TRAF3IP1: variants seen among roughly 807,000 people sequenced by gnomAD.
The protein encoded by TRAF3IP1 is intraflagellar transport 54.
A neutral mutation model predicts 89.9 loss-of-function variants in TRAF3IP1; 53 were observed. That is an observed-to-expected ratio of 0.59 (90% CI 0.47 to 0.74). The LOEUF is 0.74. Ranked by LOEUF, TRAF3IP1 falls within the 30% of genes least tolerant of loss-of-function variation. The pLI, the probability that TRAF3IP1 is intolerant of heterozygous loss-of-function variation, is 0.00. For synonymous variants in TRAF3IP1, 311 were observed against 322.1 expected (o/e 0.97, Z 0.37); for missense variants, 806 against 866.1 (o/e 0.93, Z 0.87).
At position 238,379,053 on chromosome 2, in the gene TRAF3IP1, G is replaced by A. The variant is rs142335427; in HGVS notation, c.1690-18406G>A. The stretch of plus-strand genomic sequence containing the variant: ...GCCTGGCGCTGATGCTGATGCAGCC[G>A]CCCTGTGTCAGGTGCTCAGCGGAAC... On this transcript the variant is annotated intron_variant, in intron 15 of 16. Transcript: ENST00000373327. The surrounding 1 kb of genome is among the most constrained non-coding windows in gnomAD (Gnocchi z 4.0). Among the ~76,000 whole-genome samples, 20 of 152,268 alleles carry A rather than the reference G, an allele frequency of 1.3e-4. 1 individual carries two copies. In the East Asian group the frequency reaches 3.1e-3, roughly 24 times the overall value.
chr2:238,397,684 G>C lies in TRAF3IP1; in HGVS notation c.1910+5G>C, dbSNP rs558661638. On this transcript the variant is annotated splice_donor_5th_base_variant and intron_variant, in intron 16 of 16. Transcript: ENST00000373327. The stretch of plus-strand genomic sequence containing the variant: ...GGCCCTGCAGCAGGAGCAGAGGTGG[G>C]GGGTAGTAATGGGGAGGGGGCCCTG... 4 of 1,598,690 alleles carry C rather than the reference G, an allele frequency of 2.5e-6. No individual in the cohort carries two copies. In the South Asian group the frequency reaches 4.4e-5, roughly 18 times the overall value.
chr2:238,333,369 CACTCAT>C (rs1698222108), intron 6 of TRAF3IP1, among the ~76,000 whole-genome samples: 1 of 152,100 alleles, frequency 6.6e-6, no homozygotes, highest in Non-Finnish European at 1.5e-5. Flanking sequence ...GTGGAGGTTA[CACTCAT>C]CCCAAGCAGT....
At chr2:238,361,047 A>C (rs1380439841) in intron 15 of TRAF3IP1, among the ~76,000 whole-genome samples, 1 of 151,720 alleles carries the variant, frequency 6.6e-6, no homozygotes, top group Non-Finnish European at 1.5e-5. Context: ...TTATTTAAAA[A>C]ACTTTTTTTT....
At chr2:238,353,752 G>T (rs1455957488) in intron 14 of TRAF3IP1, among the ~76,000 whole-genome samples, 3 of 151,758 alleles carry the variant, frequency 2.0e-5, no homozygotes, top group East Asian at 1.9e-4. Context: ...GGGGTTTGGG[G>T]TTTTTTTTGG....
intron 15 of TRAF3IP1, among the ~76,000 whole-genome samples, chr2:238,376,303 A>G (rs1368250184): frequency 1.3e-5 from 2 of 152,174 alleles, no homozygotes; most frequent in Non-Finnish European, 2.9e-5. Context: ...TTCTTAGCTC[A>G]TGGGCTATAG....
At chr2:238,396,556 GGAAA>G (rs1353681765) in intron 15 of TRAF3IP1, among the ~76,000 whole-genome samples, 1 of 150,028 alleles carries the variant, frequency 6.7e-6, no homozygotes, top group Non-Finnish European at 1.5e-5. Context: ...AAAAAAAAAA[GGAAA>G]GAAGGAGAAA....
At chr2:238,340,831 G>GTA (rs1326850737) in intron 8 of TRAF3IP1, among the ~76,000 whole-genome samples, 22 of 81,870 alleles carry the variant, frequency 2.7e-4, no homozygotes, top group Non-Finnish European at 3.8e-4. Context: ...GTGTGTGTGT[G>GTA]TGTATATATA....
chr2:238,327,139 G>A (rs538586342), intron 3 of TRAF3IP1, among the ~76,000 whole-genome samples: 256 of 152,150 alleles, frequency 1.7e-3, no homozygotes, highest in African/African-American at 6.0e-3. Flanking sequence ...CATTCCAGTC[G>A]CCACGCACCC....
intron 12 of TRAF3IP1, among the ~76,000 whole-genome samples, chr2:238,350,226 A>G (rs1041094591): frequency 6.6e-6 from 1 of 152,072 alleles, no homozygotes; most frequent in Non-Finnish European, 1.5e-5. Context: ...ATAAGACTAG[A>G]AAGTGGGAAA....
Position 238,332,860 on chromosome 2 carries a change from G to C in TRAF3IP1, c.952G>C (p.Asp318His), listed in dbSNP as rs201289716. 1.1e-5 allele frequency: 17 copies of C among 1,612,852 alleles called. No homozygotes were observed. In the East Asian group the frequency reaches 3.6e-4, roughly 34 times the overall value. The change falls in exon 6 of 17, where the codon GAT becomes CAT. Residue 318 changes from aspartate to histidine, a missense_variant. Physicochemically the swap from Asp to His is moderately conservative, Grantham distance 81 (BLOSUM62 -1). Transcript: ENST00000373327. ...SSGEMSKKLSDGTFKDSKAET... is the reference protein window; with the variant it reads ...SSGEMSKKLSHGTFKDSKAET... ...AGGGGAGATGTCTAAAAAGTTATCA[G>C]ATGGAACTTTTAAAGACTCCAAGGC...
At position 238,356,075 on chromosome 2, in the gene TRAF3IP1, G is replaced by A. The variant is rs750512823; in HGVS notation, c.1684G>A (p.Glu562Lys). 6.2e-7 allele frequency: 1 copy of A among 1,612,990 alleles called. No individual in the cohort carries two copies. The highest frequency in any genetic ancestry group is 8.5e-7 in the Non-Finnish European group (1 of 1,179,076). The change falls in exon 15 of 17, where the codon GAG becomes AAG. Residue 562 changes from glutamate (E) to lysine (K), a missense_variant. Physicochemically the swap from Glu to Lys is moderately conservative, Grantham distance 56. This residue lies in a region of TRAF3IP1 where 732 missense variants were observed against 780.5 expected (regional missense o/e 0.94). Coordinates refer to ENST00000373327, the MANE Select transcript of TRAF3IP1 (RefSeq NM_015650.4). ...EKLQQSPKPG[E>K]KERSLFESAW... ...ATTGCAGCAGTCACCCAAACCTGGG[G>A]AGAAGGTAATGGAATGATTTCCATA...
chr2:238,326,341 C>T (rs2106360097), intron 3 of TRAF3IP1, among the ~76,000 whole-genome samples: 1 of 152,254 alleles, frequency 6.6e-6, no homozygotes, highest in South Asian at 2.1e-4. Flanking sequence ...CCAGCCAGGG[C>T]TGCAGTGGCT....
rs544722865 is a variant in TRAF3IP1 at position 238,369,183 on chromosome 2, A to G, written c.1689+13103A>G. On this transcript the variant is annotated intron_variant, in intron 15 of 16. Transcript: ENST00000373327. ...TTACAGTAAAAAATGATAGAAAATA[A>G]TGCTGTTATTTTAATAGTAATAACC... is the stretch of plus-strand genomic sequence containing the variant. 2.0e-5 allele frequency among the ~76,000 whole-genome samples: 3 copies of G among 152,340 alleles called. No homozygotes were observed. The East Asian group carries it at 5.8e-4, about 29-fold the overall frequency.
chr2:238,379,482 G>A lies in TRAF3IP1; in HGVS notation c.1690-17977G>A, dbSNP rs1159928429. Among the ~76,000 whole-genome samples, 6 of 152,226 alleles carry A rather than the reference G, an allele frequency of 3.9e-5. No homozygotes were observed. The highest frequency in any genetic ancestry group is 1.2e-4 in the African/African-American group (5 of 41,466). On this transcript the variant is annotated intron_variant, in intron 15 of 16. Coordinates refer to ENST00000373327, the MANE Select transcript of TRAF3IP1 (RefSeq NM_015650.4). This position sits in a 1 kb window ranked among gnomAD's most constrained non-coding sequence, Gnocchi z 4.0. ...CACCTGCTCGTGTGAAGGCGGCAGC[G>A]TGGTGCCATCACTTGGGTATTTGGA...
chr2:238,367,307 A>G (rs781712553), intron 15 of TRAF3IP1, among the ~76,000 whole-genome samples: 1 of 152,110 alleles, frequency 6.6e-6, no homozygotes, highest in Non-Finnish European at 1.5e-5. Flanking sequence ...AAGTAGAGAA[A>G]TCAAAGGGGA....
chr2:238,360,055 C>G (rs927988614), intron 15 of TRAF3IP1, among the ~76,000 whole-genome samples: 4 of 152,144 alleles, frequency 2.6e-5, no homozygotes, highest in African/African-American at 9.7e-5. Flanking sequence ...AAGTGACTAA[C>G]AGGTGGATGG....
intron 8 of TRAF3IP1, among the ~76,000 whole-genome samples, chr2:238,343,384 C>T (rs948184598): frequency 7.9e-5 from 12 of 152,050 alleles, no homozygotes; most frequent in African/African-American, 2.7e-4. Context: ...ACACCTGGCT[C>T]CTACCCTTTT....
At position 238,345,237 on chromosome 2, in the gene TRAF3IP1, C is replaced by T. The variant is rs1318694498; in HGVS notation, c.1261+639C>T. Reference sequence around the variant, plus strand: ...CAGAAAATTATCTGTTGAAGGCCTACTGCATGTCAGCCCTGAGGCTGGGAG... The same window carrying T: ...CAGAAAATTATCTGTTGAAGGCCTATTGCATGTCAGCCCTGAGGCTGGGAG... On this transcript the variant is annotated intron_variant, in intron 9 of 16. Coordinates refer to ENST00000373327, the MANE Select transcript of TRAF3IP1 (RefSeq NM_015650.4). This position sits in a 1 kb window ranked among gnomAD's most constrained non-coding sequence, Gnocchi z 4.7. Among the ~76,000 whole-genome samples the T allele has an allele frequency of 6.6e-6, 1 of 152,186 alleles. No homozygotes were observed. The highest frequency in any genetic ancestry group is 1.5e-5 in the Non-Finnish European group (1 of 68,042).
chr2:238,352,980 A>T (rs757265277), intron 13 of TRAF3IP1, 30 bp downstream of exon 13: 3 of 1,593,402 alleles, frequency 1.9e-6, no homozygotes, highest in Non-Finnish European at 1.7e-6. Context: ...ATGTTTTTTA[A>T]TAATAATGTT....
Sources: gnomAD v4.1 joint callset for allele counts (sites outside exome capture counted in the v4.1 genomes callset) on GRCh38, gnomAD v4.1.1 for gene constraint, gnomAD v4.1.1 regional missense constraint, Gnocchi (gnomAD v3.1) non-coding constraint, MANE v1.5 for transcripts, NCBI Gene and HGNC (gene_info 2026-07-23, HGNC 2026-07-21) for gene names.